The following KCNAB2 variants were observed in gnomAD, a reference collection of about 807,000 sequenced individuals.
The protein encoded by KCNAB2 is voltage-gated potassium channel subunit beta-2.
A neutral mutation model predicts 63.6 loss-of-function variants in KCNAB2; 29 were observed. The observed-to-expected ratio is 0.46, with a 90% CI of 0.34 to 0.62. The LOEUF is 0.62. Ranked by LOEUF, KCNAB2 falls within the 20% of genes least tolerant of loss-of-function variation. The pLI, the probability that KCNAB2 is intolerant of heterozygous loss-of-function variation, is 0.01. For synonymous variants in KCNAB2, 222 were observed against 224.2 expected (o/e 0.99, Z 0.09); for missense variants, 359 against 563.9 (o/e 0.64, Z 3.68).
chr1:6,025,058 G>A (rs552731255), intron 1 of KCNAB2, among the ~76,000 whole-genome samples: 3 of 152,136 alleles, frequency 2.0e-5, no homozygotes, highest in South Asian at 2.1e-4. Flanking sequence ...CCATTCGTTC[G>A]CCTTCCTCCT....
At chr1:6,088,923 TA>T in intron 7 of KCNAB2, 84 bp from the exon 8 acceptor site, 1 of 1,315,910 alleles carries the variant, frequency 7.6e-7, no homozygotes, top group Non-Finnish European at 1.1e-6. Flanking sequence ...TTTTTGCGTC[TA>T]ACATTGCATC....
chr1:6,069,484 C>G lies in KCNAB2; in HGVS notation c.219-3271C>G, dbSNP rs1663021541. ...AGGTTATGTCTGTGAGTCCTCACTCCAGGAGTCCAGACCCCAGGAGAGACA... is the reference window on the plus strand; with the variant it reads ...AGGTTATGTCTGTGAGTCCTCACTCGAGGAGTCCAGACCCCAGGAGAGACA... On this transcript the variant is annotated intron_variant, in intron 2 of 15. Transcript: ENST00000378083. The surrounding 1 kb of genome is among the most constrained non-coding windows in gnomAD (Gnocchi z 5.4). Among the ~76,000 whole-genome samples the G allele has an allele frequency of 6.6e-6, 1 of 152,126 alleles. No homozygotes were observed. Among genetic ancestry groups the G allele is most frequent in the South Asian group, 2.1e-4 (1 of 4,820 alleles).
At chr1:5,996,315 G>A (rs1412049402) in intron 1 of KCNAB2, among the ~76,000 whole-genome samples, 1 of 152,174 alleles carries the variant, frequency 6.6e-6, no homozygotes, top group Non-Finnish European at 1.5e-5. Flanking sequence ...CTTGTCCTCT[G>A]CCACATCCTG....
At chr1:6,047,495 TAC>T (rs1661025736) in intron 1 of KCNAB2, among the ~76,000 whole-genome samples, 1 of 152,126 alleles carries the variant, frequency 6.6e-6, no homozygotes, top group Non-Finnish European at 1.5e-5. Flanking sequence ...GCCCCCGCTG[TAC>T]AGAGTCCTGG....
intron 4 of KCNAB2, among the ~76,000 whole-genome samples, chr1:6,079,695 TG>T (rs777825351): frequency 4.5e-4 from 68 of 152,170 alleles, no homozygotes; most frequent in Admixed American, 1.3e-3. Flanking sequence ...CAGAGAATGA[TG>T]GGTGCTGGGG....
intron 10 of KCNAB2, among the ~76,000 whole-genome samples, chr1:6,093,141 C>T (rs1397299165): frequency 6.6e-6 from 1 of 152,204 alleles, no homozygotes; most frequent in Non-Finnish European, 1.5e-5. Context: ...CAGCCCCACT[C>T]CCAGCATTTT....
Position 6,096,731 on chromosome 1 carries a change from C to A in KCNAB2, c.1044C>A (p.Gly348=), listed in dbSNP as rs923089999. ...KELQAIAERL[G]CTLPQLAIAW... is the part of the protein sequence containing the mutation. ...TGCAGGCCATCGCCGAGCGCCTGGGCTGCACCCTGCCCCAGCTGGCCATAG... is the reference window on the plus strand; with the variant it reads ...TGCAGGCCATCGCCGAGCGCCTGGGATGCACCCTGCCCCAGCTGGCCATAG... The change falls in exon 14 of 16, where the codon GGC becomes GGA. Residue 348 remains glycine, a synonymous_variant. Coordinates refer to ENST00000378083, the MANE Select transcript of KCNAB2 (RefSeq NM_001199862.2). The surrounding 1 kb of genome is among the most constrained non-coding windows in gnomAD (Gnocchi z 5.9). The A allele has an allele frequency of 6.3e-7, 1 of 1,590,276 alleles. No individual in the cohort carries two copies. The highest frequency in any genetic ancestry group is 8.6e-7 in the Non-Finnish European group (1 of 1,169,452).
chr1:6,011,170 C>G (rs1338077063), intron 1 of KCNAB2, among the ~76,000 whole-genome samples: 1 of 152,216 alleles, frequency 6.6e-6, no homozygotes, highest in Non-Finnish European at 1.5e-5. Context: ...GAGGGAGCAG[C>G]AGGAGTGAGG....
chr1:6,079,552 T>C (rs1365573037), intron 4 of KCNAB2, among the ~76,000 whole-genome samples: 1 of 152,016 alleles, frequency 6.6e-6, no homozygotes, highest in Non-Finnish European at 1.5e-5. Flanking sequence ...TCTTGGATAT[T>C]CTGGACATGT....
In KCNAB2 at chr1:6,100,253, G is replaced by A. The variant is rs923262263; in HGVS notation, c.*1679G>A. The A allele has an allele frequency of 1.6e-5, 10 of 613,838 alleles. No homozygotes were observed. The highest frequency in any genetic ancestry group is 9.3e-5 in the African/African-American group (5 of 53,786). The allele number at this position is 613,838 out of a possible 1,614,324, so 38.0% of individuals were successfully genotyped here. ...AGGGGGATCAGCTTCTGCTATTACC[G>A]ACCCCCCTTCATGCTGCCCCTGGCG... On this transcript the variant is annotated 3_prime_UTR_variant, in exon 16 of 16. Transcript: ENST00000378083.
At position 6,099,897 on chromosome 1, in the gene KCNAB2, G is replaced by GT; in HGVS notation, c.*1324dup. On this transcript the variant is annotated 3_prime_UTR_variant, in exon 16 of 16. Transcript: ENST00000378083. ...TTGGGCCGGAGGGCAAGGGATGCCA[G>GT]TAAGTCTGCAGGTGCGGGGTGCCAC... 3 of 1,550,372 alleles carry GT rather than the reference G, an allele frequency of 1.9e-6. No homozygotes were observed. Among genetic ancestry groups the GT allele is most frequent in the Non-Finnish European group, 2.6e-6 (3 of 1,146,894 alleles).
intron 2 of KCNAB2, among the ~76,000 whole-genome samples, chr1:6,055,390 G>A (rs1338181701): frequency 3.0e-5 from 4 of 132,022 alleles, no homozygotes; most frequent in African/African-American, 1.1e-4. Context: ...GAGTTTCGCT[G>A]TATCGCCCAG....
intron 2 of KCNAB2, among the ~76,000 whole-genome samples, chr1:6,056,356 A>G (rs138656899): frequency 0.013 from 1,909 of 152,206 alleles, 32 homozygotes; most frequent in African/African-American, 0.039. Flanking sequence ...ACACTTCCCC[A>G]TTGTTTAAAC....
intron 4 of KCNAB2, among the ~76,000 whole-genome samples, chr1:6,080,134 C>T (rs77641196): frequency 4.7e-4 from 71 of 152,330 alleles, no homozygotes; most frequent in African/African-American, 1.7e-3. Context: ...CTGCCAGGAG[C>T]GTGAGTGCCC....
At chr1:6,042,455 A>C (rs538088409), upstream of KCNAB2, among the ~76,000 whole-genome samples, 1 of 152,334 alleles carries the variant, frequency 6.6e-6, no homozygotes, top group Non-Finnish European at 1.5e-5. Flanking sequence ...AGGATGTGAC[A>C]TCAAGATGCC....
intron 1 of KCNAB2, among the ~76,000 whole-genome samples, chr1:5,993,325 CCGACCTCTCCCCG>C (rs2102517856): frequency 6.6e-6 from 1 of 151,866 alleles, no homozygotes; most frequent in East Asian, 2.0e-4. Context: ...CCCAGCCCCT[CCGACCTCTCCCCG>C]CGGGCACGCT....
intron 6 of KCNAB2, chr1:6,085,713 G>C: frequency 1.9e-6 from 1 of 517,988 alleles, no homozygotes; most frequent in Non-Finnish European, 2.5e-6. Flanking sequence ...GCCTGGGGTT[G>C]GATCCCACCC....
upstream of KCNAB2, among the ~76,000 whole-genome samples, chr1:6,033,040 A>G (rs1659745347): frequency 6.6e-6 from 1 of 152,242 alleles, no homozygotes; most frequent in African/African-American, 2.4e-5. Flanking sequence ...GGAACACCTA[A>G]TAGAGGATCA....
rs1429823298 is a variant in KCNAB2, at chr1:6,086,917, CCCGACCAGG to C, written c.426-546_426-538del. Among the ~76,000 whole-genome samples, 1 of 151,978 alleles carries C rather than the reference CCCGACCAGG, an allele frequency of 6.6e-6. No individual in the cohort carries two copies. Among genetic ancestry groups the C allele is most frequent in the East Asian group, 1.9e-4 (1 of 5,174 alleles). ...CCTCCCTTGGTGCCCCTCAAGTTACCCCGACCAGGCCGTCCCACACAGATTTTCTGCAAC... is the reference window on the plus strand; with the variant it reads ...CCTCCCTTGGTGCCCCTCAAGTTACCCCGTCCCACACAGATTTTCTGCAAC... On this transcript the variant is annotated intron_variant, in intron 6 of 15. Transcript: ENST00000378083. This position sits in a 1 kb window ranked among gnomAD's most constrained non-coding sequence, Gnocchi z 4.2.
Sources: gnomAD v4.1 joint callset for allele counts (sites outside exome capture counted in the v4.1 genomes callset) on GRCh38, gnomAD v4.1.1 for gene constraint, Gnocchi (gnomAD v3.1) non-coding constraint, MANE v1.5 for transcripts, NCBI Gene and HGNC (gene_info 2026-07-23, HGNC 2026-07-21) for gene names.